CHN2: variants seen among roughly 807,000 people sequenced by gnomAD.
The protein encoded by CHN2 is chimerin 2.
Under a neutral mutation model 56.3 loss-of-function variants are expected in CHN2, and 35 were observed. The ratio of observed to expected loss-of-function variants is 0.62; its 90% confidence interval spans 0.47 to 0.82. The LOEUF (loss-of-function observed/expected upper bound fraction) is 0.82, where lower values mean the gene tolerates loss of function less well. CHN2 is among the 40% of genes least tolerant of loss of function. The pLI, the probability that CHN2 is intolerant of heterozygous loss-of-function variation, is 0.00. For missense variants in CHN2, 491 were observed against 580.5 expected (o/e 0.85, Z 1.58); for synonymous variants, 210 against 212.8 (o/e 0.99, Z 0.12).
intron 3 of CHN2, among the ~76,000 whole-genome samples, chr7:29,369,980 A>G (rs3793276): frequency 0.23 from 35,471 of 152,108 alleles, 4,799 homozygotes; most frequent in Non-Finnish European, 0.3. Context: ...ACGAAACCTA[A>G]CGTGAAATGG....
intron 1 of CHN2, chr7:29,200,606 T>C (rs1784086139): frequency 6.6e-6 from 1 of 151,922 alleles, no homozygotes; most frequent in South Asian, 2.1e-4. Context: ...GGCACCTTCC[T>C]GCTTTTCCTT....
At chr7:29,293,364 C>CA in intron 1 of CHN2, among the ~76,000 whole-genome samples, 3 of 10,728 alleles carry the variant, frequency 2.8e-4, no homozygotes, top group Non-Finnish European at 3.6e-4. Flanking sequence ...CAGCTAATGC[C>CA]CCCCCCCCCC....
intron 1 of CHN2, among the ~76,000 whole-genome samples, chr7:29,209,833 G>T (rs535376191): frequency 6.6e-6 from 1 of 152,254 alleles, no homozygotes; most frequent in South Asian, 2.1e-4. Flanking sequence ...TGCCTAATTG[G>T]AGAAATAATT....
At chr7:29,483,787 G>T in intron 7 of CHN2, 1 of 1,144,772 alleles carries the variant, frequency 8.7e-7, no homozygotes, top group Non-Finnish European at 1.1e-6. Flanking sequence ...CCGGCAGTCG[G>T]CTTGCTCGGC....
At chr7:29,436,081 C>T (rs1783202457) in intron 6 of CHN2, among the ~76,000 whole-genome samples, 1 of 151,986 alleles carries the variant, frequency 6.6e-6, no homozygotes, top group African/African-American at 2.4e-5. Flanking sequence ...CATGGCAAGC[C>T]CTGGAGTGAC....
chr7:29,233,825 A>ATTTTTTTTTTTTTTTTTTTTTTTTTTT (rs1175429614), intron 1 of CHN2, among the ~76,000 whole-genome samples: 2 of 53,202 alleles, frequency 3.8e-5, no homozygotes, highest in Admixed American at 3.3e-4. Context: ...CAACACCTTG[A>ATTTTTTTTTTTTTTTTTTTTTTTTTTT]TTTTTTTTTT....
intron 1 of CHN2, among the ~76,000 whole-genome samples, chr7:29,279,736 G>A (rs1456638372): frequency 1.3e-5 from 2 of 152,202 alleles, no homozygotes; most frequent in Non-Finnish European, 2.9e-5. Flanking sequence ...GGAGTGTGTG[G>A]TTCATGGGGA....
intron 6 of CHN2, among the ~76,000 whole-genome samples, chr7:29,421,231 G>C (rs975646757): frequency 9.2e-5 from 14 of 152,210 alleles, no homozygotes; most frequent in Non-Finnish European, 1.5e-4. Context: ...AGGTTGATCT[G>C]AAGCCAGCCT....
chr7:29,333,189 G>T lies in CHN2; in HGVS notation c.50-21436G>T, dbSNP rs187517368. The stretch of plus-strand genomic sequence containing the variant: ...CCCAGCAGAACAGAGCTGGGCTGGG[G>T]TGTACAGAGCAGCAATGGGAACAGG... On this transcript the variant is annotated intron_variant, in intron 1 of 12. Transcript: ENST00000222792. Among the ~76,000 whole-genome samples, 901 of 152,218 alleles carry T rather than the reference G, an allele frequency of 5.9e-3. 10 individuals carry two copies. The highest frequency in any genetic ancestry group is 9.7e-3 in the Non-Finnish European group (657 of 68,018).
chr7:29,360,235 A>G (rs1409257619), intron 2 of CHN2, among the ~76,000 whole-genome samples: 1 of 152,190 alleles, frequency 6.6e-6, no homozygotes. Context: ...AAGACTCGAC[A>G]TTCTGGCCGG....
In CHN2 at chr7:29,512,663, C is replaced by A. The variant is rs757885237; in HGVS notation, c.1335C>A (p.Thr445=). The change falls in exon 13 of 13, where the codon ACC becomes ACA. Residue 445 remains threonine (T), a synonymous_variant. Transcript: ENST00000222792. ...LMRPPEDSTL[T]TLHDMRYQKL... Reference sequence around the variant, plus strand: ...GGCCCCCTGAGGACAGCACCCTGACCACCCTGCATGATATGCGGTACCAAA... The same window carrying A: ...GGCCCCCTGAGGACAGCACCCTGACAACCCTGCATGATATGCGGTACCAAA... 6.2e-6 allele frequency: 10 copies of A among 1,614,028 alleles called. No individual in the cohort carries two copies. The highest frequency in any genetic ancestry group is 2.7e-5 in the African/African-American group (2 of 74,916).
At chr7:29,314,349 A>G (rs1794805443) in intron 1 of CHN2, among the ~76,000 whole-genome samples, 1 of 152,180 alleles carries the variant, frequency 6.6e-6, no homozygotes, top group Non-Finnish European at 1.5e-5. Flanking sequence ...TCACAAATAG[A>G]GGAAGTGGAA....
chr7:29,510,303 G>C (rs62457829), intron 12 of CHN2, among the ~76,000 whole-genome samples: 17,490 of 152,140 alleles, frequency 0.11, 1,254 homozygotes, highest in Admixed American at 0.22. Flanking sequence ...TTATCTGAAG[G>C]CTTGATGGGT....
chr7:29,481,372 C>G (rs2128543740), intron 7 of CHN2, among the ~76,000 whole-genome samples: 1 of 152,284 alleles, frequency 6.6e-6, no homozygotes, highest in Non-Finnish European at 1.5e-5. Context: ...ACGAGGGAAA[C>G]TGATTTTATT....
intron 1 of CHN2, among the ~76,000 whole-genome samples, chr7:29,319,786 G>A (rs1379971779): frequency 2.6e-5 from 4 of 152,094 alleles, no homozygotes; most frequent in South Asian, 2.1e-4. Flanking sequence ...TTACAGGGCC[G>A]TGGCTCATCT....
intron 1 of CHN2, among the ~76,000 whole-genome samples, chr7:29,264,619 T>C (rs1789961174): frequency 6.6e-6 from 1 of 152,044 alleles, no homozygotes; most frequent in South Asian, 2.1e-4. Context: ...GGCAGCATAC[T>C]CGTTAAGGGT....
In CHN2 at chr7:29,194,970, C is replaced by G. The variant is rs1287485496; in HGVS notation, c.29C>G (p.Ser10Cys). MAASSNSSL[S>C]GSSVSSDAEE... ...GCAGCGTCCAGCAACTCCAGCCTGT[C>G]CGGCTCGTCGGTGTCCTCCGGTGAG... The change falls in exon 1 of 13, where the codon TCC becomes TGC. Residue 10 changes from serine (S) to cysteine (C), a missense_variant. Physicochemically the swap from Ser to Cys is moderately radical, Grantham distance 112. Transcript: ENST00000222792. 1.3e-6 allele frequency: 2 copies of G among 1,586,112 alleles called. No homozygotes were observed. Among genetic ancestry groups the G allele is most frequent in the Non-Finnish European group, 1.7e-6 (2 of 1,168,970 alleles).
intron 6 of CHN2, among the ~76,000 whole-genome samples, chr7:29,416,513 G>A (rs895207793): frequency 6.6e-6 from 1 of 152,154 alleles, no homozygotes; most frequent in Non-Finnish European, 1.5e-5. Context: ...TCAAATTTTA[G>A]CGTACATGAG....
chr7:29,443,854 C>A (rs554277194), intron 6 of CHN2, among the ~76,000 whole-genome samples: 1 of 152,250 alleles, frequency 6.6e-6, no homozygotes, highest in African/African-American at 2.4e-5. Context: ...ATTTTATTAC[C>A]CAAAGCAGGT....
Sources: allele counts gnomAD v4.1 joint callset (sites outside exome capture counted in the v4.1 genomes callset), GRCh38; gene constraint gnomAD v4.1.1; transcripts MANE v1.5; gene names NCBI Gene and HGNC (gene_info 2026-07-23, HGNC 2026-07-21).